The following NCOR1 variants were observed in gnomAD, a reference collection of about 807,000 sequenced individuals.
NCOR1 encodes protein phosphatase 1, regulatory subunit 109.
NCOR1 carries 63 observed loss-of-function variants against 288.1 expected under a neutral mutation model. That is an observed-to-expected ratio of 0.22 (90% CI 0.18 to 0.27). The LOEUF (loss-of-function observed/expected upper bound fraction) is 0.27. Ranked by LOEUF, NCOR1 falls within the 10% of genes least tolerant of loss-of-function variation. The probability of loss-of-function intolerance (pLI) is 1.00; values close to 1 mark genes in which losing one functional copy is unlikely to be tolerated. For missense variants in NCOR1, 2,397 were observed against 3,019.2 expected (o/e 0.79, Z 4.83); for synonymous variants, 1,007 against 1,065.9 (o/e 0.94, Z 1.08).
intron 14 of NCOR1, among the ~76,000 whole-genome samples, chr17:16,134,118 G>C (rs539461615): frequency 1.3e-5 from 2 of 152,070 alleles, no homozygotes; most frequent in Admixed American, 6.6e-5. Flanking sequence ...TCTCTCACCT[G>C]GTATCAGCTC....
At position 16,087,448 on chromosome 17, in the gene NCOR1, C is replaced by T. The variant is rs115340537; in HGVS notation, c.3017-1006G>A. On this transcript the variant is annotated intron_variant, in intron 22 of 45. Coordinates refer to ENST00000268712, the MANE Select transcript of NCOR1 (RefSeq NM_006311.4). ...CATCCAGGGGCTGATCCGACTATAA[C>T]ATTAAAGTCTAAAACTCCTGGGGGC... 1.5e-3 allele frequency: 991 copies of T among 653,898 alleles called. 12 individuals carry two copies. The African/African-American group carries it at 0.017, about 11-fold the overall frequency. 40.5% of individuals were successfully genotyped at this position (653,898 alleles called of 1,614,324 possible). A position where few individuals can be genotyped will look rare whatever the true frequency, so the allele number is the denominator to read the frequency against.
intron 44 of NCOR1, among the ~76,000 whole-genome samples, chr17:16,035,233 T>A (rs1974042613): frequency 6.6e-6 from 1 of 152,194 alleles, no homozygotes; most frequent in Non-Finnish European, 1.5e-5. Flanking sequence ...TTTCTTTTCC[T>A]TTCATGAAAG....
chr17:16,198,344 T>G (rs1600422191), intron 1 of NCOR1: 6 of 101,166 alleles, frequency 5.9e-5, no homozygotes, highest in Admixed American at 4.0e-4. Context: ...GGCAACAGAG[T>G]GAGACTCCGT....
At chr17:16,183,715 T>G (rs2086018185) in intron 3 of NCOR1, among the ~76,000 whole-genome samples, 1 of 151,976 alleles carries the variant, frequency 6.6e-6, no homozygotes, top group South Asian at 2.1e-4. Flanking sequence ...CCAATGGGGT[T>G]TTTCACAGAA....
chr17:16,206,800 A>G (rs1270814811), intron 1 of NCOR1, among the ~76,000 whole-genome samples: 4 of 152,230 alleles, frequency 2.6e-5, no homozygotes, highest in Admixed American at 6.5e-5. Flanking sequence ...AGAATAGTAC[A>G]TTATGATCCC....
At chr17:16,077,532 GAGGA>G (rs2062714856) in intron 26 of NCOR1, among the ~76,000 whole-genome samples, 1 of 33,482 alleles carries the variant, frequency 3.0e-5, no homozygotes, top group Non-Finnish European at 6.4e-5. Context: ...GGAGGAGGGG[GAGGA>G]GAGGGGAGGA....
chr17:16,110,277 G>A (rs941915518), intron 18 of NCOR1, among the ~76,000 whole-genome samples: 5 of 151,700 alleles, frequency 3.3e-5, no homozygotes, highest in Non-Finnish European at 7.4e-5. Context: ...GATCGCTTGA[G>A]CCCAAAAGGC....
intron 6 of NCOR1, among the ~76,000 whole-genome samples, chr17:16,155,350 C>CAA (rs11367956): frequency 3.8e-4 from 44 of 114,854 alleles, no homozygotes; most frequent in Middle Eastern, 5.1e-3. Context: ...GACTGTGTCT[C>CAA]AAAAAAAAAA....
intron 18 of NCOR1, among the ~76,000 whole-genome samples, chr17:16,117,087 A>G (rs915174431): frequency 1.3e-5 from 2 of 152,250 alleles, no homozygotes; most frequent in Non-Finnish European, 2.9e-5. Context: ...GAACTTACTT[A>G]TTAAGGAATT....
chr17:16,206,773 G>C (rs529469224), intron 1 of NCOR1, among the ~76,000 whole-genome samples: 1 of 152,130 alleles, frequency 6.6e-6, no homozygotes, highest in Non-Finnish European at 1.5e-5. Flanking sequence ...GACAAACTTG[G>C]AACAGTAGTA....
Position 16,215,484 on chromosome 17 carries a change from G to C in NCOR1, c.-193C>G, listed in dbSNP as rs1027721515. The C allele has an allele frequency of 2.5e-6, 1 of 398,458 alleles. No homozygotes were observed. Among genetic ancestry groups the C allele is most frequent in the African/African-American group, 2.1e-5 (1 of 48,560 alleles). The allele number at this position is 398,458 out of a possible 1,614,324, so 24.7% of individuals were successfully genotyped here. On this transcript the variant is annotated 5_prime_UTR_variant, in exon 1 of 46. Transcript: ENST00000268712. Reference sequence around the variant, plus strand: ...GGCGAGTCGGACGCTCACTCCAGCCGCCGCCGCCGCCGCGGCTGCTGCTTC... The same window carrying C: ...GGCGAGTCGGACGCTCACTCCAGCCCCCGCCGCCGCCGCGGCTGCTGCTTC...
intron 40 of NCOR1, among the ~76,000 whole-genome samples, chr17:16,052,898 C>T (rs1174573924): frequency 6.6e-6 from 1 of 152,186 alleles, no homozygotes; most frequent in African/African-American, 2.4e-5. Flanking sequence ...AGCTTATCCA[C>T]CACAATCAAG....
intron 42 of NCOR1, among the ~76,000 whole-genome samples, chr17:16,045,449 C>T (rs1396206625): frequency 1.3e-5 from 2 of 152,144 alleles, no homozygotes; most frequent in African/African-American, 4.8e-5. Flanking sequence ...ATAGAGCCTA[C>T]CACATAGTAC....
intron 37 of NCOR1, among the ~76,000 whole-genome samples, chr17:16,059,341 T>C (rs1410426199): frequency 6.6e-6 from 1 of 152,200 alleles, no homozygotes; most frequent in East Asian, 1.9e-4. Context: ...TATAACACTA[T>C]ATAATGATTT....
chr17:16,156,709 AAAG>A, intron 6 of NCOR1, among the ~76,000 whole-genome samples: 1 of 152,174 alleles, frequency 6.6e-6, no homozygotes, highest in East Asian at 1.9e-4. Context: ...GTTCAAACAG[AAAG>A]AAGAGGTGCA....
Position 16,070,421 on chromosome 17 carries a change from C to A in NCOR1, c.4257G>T (p.Pro1419=), listed in dbSNP as rs143182424. ...TTATGTTCTCTGGCACAATTTCCAG[C>A]GGAGGCATTCCACGGGATAGTTTGC... ...GPSKLSRGMP[P]LEIVPENIKV... is the part of the protein sequence containing the mutation. The change falls in exon 31 of 46, where the codon CCG becomes CCT. Residue 1419 remains proline (P), a synonymous_variant. Coordinates refer to ENST00000268712, the MANE Select transcript of NCOR1 (RefSeq NM_006311.4). 55 of 1,614,052 alleles carry A rather than the reference C, an allele frequency of 3.4e-5. No individual in the cohort carries two copies. Among genetic ancestry groups the A allele is most frequent in the Admixed American group, 5.0e-5 (3 of 59,998 alleles).
At chr17:16,185,922 G>C (rs575182431) in intron 3 of NCOR1, among the ~76,000 whole-genome samples, 1 of 152,068 alleles carries the variant, frequency 6.6e-6, no homozygotes, top group South Asian at 2.1e-4. Flanking sequence ...GGGCAACAGA[G>C]CTAGAAAGAT....
intron 14 of NCOR1, among the ~76,000 whole-genome samples, chr17:16,128,424 G>A (rs2075087649): frequency 6.6e-6 from 1 of 152,128 alleles, no homozygotes; most frequent in South Asian, 2.1e-4. Context: ...GTGGCTTAGT[G>A]CCTGCTTATC....
In NCOR1 at chr17:16,040,552, A is replaced by G. The variant is rs1478729047; in HGVS notation, c.6680-58T>C. 3 of 1,402,392 alleles carry G rather than the reference A, an allele frequency of 2.1e-6. No homozygotes were observed. The East Asian group carries it at 7.0e-5, about 33-fold the overall frequency. The allele number at this position is 1,402,392 out of a possible 1,614,324, so 86.9% of individuals were successfully genotyped here. A position where few individuals can be genotyped will look rare whatever the true frequency, so the allele number is the denominator to read the frequency against. On this transcript the variant is annotated intron_variant, in intron 42 of 45. Transcript: ENST00000268712. Reference sequence around the variant, plus strand: ...ATGTGATAATCATATATACCAAACTAAAGTCTCAAAAAATTCCTATAATAA... The same window carrying G: ...ATGTGATAATCATATATACCAAACTGAAGTCTCAAAAAATTCCTATAATAA...
Sources: gnomAD v4.1 joint callset for allele counts (sites outside exome capture counted in the v4.1 genomes callset) on GRCh38, gnomAD v4.1.1 for gene constraint, MANE v1.5 for transcripts, NCBI Gene and HGNC (gene_info 2026-07-23, HGNC 2026-07-21) for gene names.